The following CACNA1D variants were observed in gnomAD, a reference collection of about 807,000 sequenced individuals.
CACNA1D encodes voltage-dependent L-type calcium channel subunit alpha-1D.
CACNA1D carries 55 observed loss-of-function variants against 257.1 expected under a neutral mutation model. The ratio of observed to expected loss-of-function variants is 0.21; its 90% CI spans 0.17 to 0.27. The LOEUF (loss-of-function observed/expected upper bound fraction) is 0.27. CACNA1D is among the 10% of genes least tolerant of loss of function. The probability of loss-of-function intolerance (pLI) is 1.00; values close to 1 mark genes in which losing one functional copy is unlikely to be tolerated. For missense variants in CACNA1D, 1,876 were observed against 2,784.0 expected, an observed-to-expected ratio of 0.67 and a Z score of 7.34; for synonymous variants, 980 against 1,014.9, an observed-to-expected ratio of 0.97 and a Z score of 0.65.
chr3:53,716,980 C>G (rs934501497), intron 9 of CACNA1D, among the ~76,000 whole-genome samples: 1 of 152,248 alleles, frequency 6.6e-6, no homozygotes, highest in Non-Finnish European at 1.5e-5. Context: ...TGATCCAGCT[C>G]CTTTCCCCCT....
chr3:53,795,326 C>A (rs892336367), intron 40 of CACNA1D, among the ~76,000 whole-genome samples: 2 of 152,190 alleles, frequency 1.3e-5, no homozygotes, highest in African/African-American at 4.8e-5. Flanking sequence ...AGGTGGCACC[C>A]CACAGTCGTG....
intron 40 of CACNA1D, among the ~76,000 whole-genome samples, chr3:53,798,400 C>T (rs1308614457): frequency 6.6e-6 from 1 of 152,152 alleles, no homozygotes; most frequent in Non-Finnish European, 1.5e-5. Flanking sequence ...CATATGTGTA[C>T]ACACATGCAT....
At chr3:53,593,547 T>G (rs956955695) in intron 3 of CACNA1D, among the ~76,000 whole-genome samples, 1 of 152,116 alleles carries the variant, frequency 6.6e-6, no homozygotes, top group African/African-American at 2.4e-5. Flanking sequence ...GGGCAGTTGG[T>G]GGTGATGGGA....
chr3:53,608,740 G>A (rs1042490633), intron 3 of CACNA1D, among the ~76,000 whole-genome samples: 2 of 152,060 alleles, frequency 1.3e-5, no homozygotes, highest in Non-Finnish European at 2.9e-5. Flanking sequence ...TGGTCATATG[G>A]TTTTCTTTTT....
chr3:53,688,501 T>C (rs2094492768), intron 8 of CACNA1D, among the ~76,000 whole-genome samples: 1 of 152,192 alleles, frequency 6.6e-6, no homozygotes, highest in African/African-American at 2.4e-5. Flanking sequence ...GAGAAATGGA[T>C]GGGAAGGGCC....
chr3:53,569,831 A>G (rs751849272), intron 3 of CACNA1D, among the ~76,000 whole-genome samples: 3 of 152,236 alleles, frequency 2.0e-5, no homozygotes, highest in Non-Finnish European at 4.4e-5. Context: ...AAATAGCTAC[A>G]GAGCCTTAGT....
intron 3 of CACNA1D, among the ~76,000 whole-genome samples, chr3:53,612,191 C>A (rs893698111): frequency 3.3e-5 from 5 of 152,286 alleles, no homozygotes; most frequent in Admixed American, 2.0e-4. Flanking sequence ...AAGTCTGTTT[C>A]TGTTTAGTAA....
At chr3:53,655,971 G>A (rs1473556284) in intron 4 of CACNA1D, among the ~76,000 whole-genome samples, 2 of 152,168 alleles carry the variant, frequency 1.3e-5, no homozygotes, top group Non-Finnish European at 2.9e-5. Flanking sequence ...TATAAGAAAA[G>A]GGTCCAGTTT....
Position 53,805,088 on chromosome 3 carries a change from C to T in CACNA1D, c.5691C>T (p.Pro1897=), listed in dbSNP as rs371412478. 3.7e-6 allele frequency: 6 copies of T among 1,614,012 alleles called. No homozygotes were observed. Among genetic ancestry groups the T allele is most frequent in the East Asian group, 2.2e-5 (1 of 44,884 alleles). ...PQGFLEDDDS[P]VCYDSRRSPR... ...GATTCTTGGAGGACGATGACTCGCC[C>T]GTTTGCTATGATTCACGGAGATCTC... The change falls in exon 45 of 48, where the codon CCC becomes CCT. Residue 1897 remains proline, a synonymous_variant. Transcript: ENST00000350061.
chr3:53,688,660 T>C (rs1176311829), intron 8 of CACNA1D, among the ~76,000 whole-genome samples: 1 of 152,188 alleles, frequency 6.6e-6, no homozygotes, highest in African/African-American at 2.4e-5. Context: ...GGGCCTCACA[T>C]CCTTCCAAGA....
At chr3:53,780,582 C>T (rs978101438) in intron 38 of CACNA1D, among the ~76,000 whole-genome samples, 1 of 152,174 alleles carries the variant, frequency 6.6e-6, no homozygotes, top group African/African-American at 2.4e-5. Flanking sequence ...TGCAAAAGCT[C>T]CTTTGCAGTG....
chr3:53,691,900 CAT>C (rs1449459590), intron 8 of CACNA1D, among the ~76,000 whole-genome samples: 3 of 31,762 alleles, frequency 9.4e-5, no homozygotes. Context: ...ATATATATTA[CAT>C]ATATTATATA....
rs143651053 is a variant in CACNA1D, at chr3:53,592,790, G to A, written c.484-57989G>A. Among the ~76,000 whole-genome samples the A allele has an allele frequency of 8.7e-4, 132 of 151,782 alleles. No homozygotes were observed. The East Asian group carries it at 0.023, about 27-fold the overall frequency. Reference sequence around the variant, plus strand: ...ACAACCTCAGCTCACTGCAACCTCCGCCTCCTGGGTTCAAGCGATTCTCCT... The same window carrying A: ...ACAACCTCAGCTCACTGCAACCTCCACCTCCTGGGTTCAAGCGATTCTCCT... On this transcript the variant is annotated intron_variant, in intron 3 of 47. Coordinates refer to ENST00000350061, the MANE Select transcript of CACNA1D (RefSeq NM_001128840.3).
chr3:53,745,893 G>T lies in CACNA1D; in HGVS notation c.3167+18G>T, dbSNP rs1174349542. 6.2e-7 allele frequency: 1 copy of T among 1,600,444 alleles called. No homozygotes were observed. The highest frequency in any genetic ancestry group is 1.3e-5 in the African/African-American group (1 of 74,766). ...GAATGCAGGTGAGCGTCCTGAGAGT[G>T]GAGTAGGGGACTTAGAAGAGCAAAT... is the stretch of plus-strand genomic sequence containing the variant. On this transcript the variant is annotated intron_variant, in intron 25 of 47. Transcript: ENST00000350061.
chr3:53,759,219 C>G (rs1019377426), intron 29 of CACNA1D, among the ~76,000 whole-genome samples: 4 of 152,184 alleles, frequency 2.6e-5, no homozygotes, highest in Admixed American at 2.0e-4. Context: ...AATATTAAGC[C>G]CCTATTGTGT....
chr3:53,687,721 C>T (rs937309567), intron 8 of CACNA1D, among the ~76,000 whole-genome samples: 22 of 152,174 alleles, frequency 1.4e-4, no homozygotes, highest in Non-Finnish European at 2.6e-4. Context: ...ACAACACTTA[C>T]ATCTGTGTAT....
At chr3:53,762,274 T>C (rs534130471) in intron 30 of CACNA1D, among the ~76,000 whole-genome samples, 193 bp downstream of exon 30, 1 of 152,362 alleles carries the variant, frequency 6.6e-6, no homozygotes, top group African/African-American at 2.4e-5. Context: ...GGGCCTTTTG[T>C]AGACACAAAT....
chr3:53,748,152 G>A (rs1559618202), intron 26 of CACNA1D, among the ~76,000 whole-genome samples: 1 of 152,250 alleles, frequency 6.6e-6, no homozygotes. Flanking sequence ...GGTAAAGTAA[G>A]AAGAGCAGGT....
At chr3:53,635,881 A>C (rs1245684742) in intron 3 of CACNA1D, among the ~76,000 whole-genome samples, 1 of 152,180 alleles carries the variant, frequency 6.6e-6, no homozygotes, top group East Asian at 1.9e-4. Context: ...TAGGACAGGC[A>C]GGAAACTCGC....
Sources: gnomAD v4.1 joint callset for allele counts (sites outside exome capture counted in the v4.1 genomes callset) on GRCh38, gnomAD v4.1.1 for gene constraint, MANE v1.5 for transcripts, NCBI Gene and HGNC (gene_info 2026-07-23, HGNC 2026-07-21) for gene names.